MTUS1: variants seen among roughly 807,000 people sequenced by gnomAD.
The protein encoded by MTUS1 is microtubule-associated tumor suppressor 1.
In MTUS1, 109 loss-of-function variants were observed where a neutral mutation model predicts 120.8. The ratio of observed to expected loss-of-function variants is 0.90; its 90% CI spans 0.77 to 1.06. The LOEUF (loss-of-function observed/expected upper bound fraction) is 1.06. Ranked by LOEUF, MTUS1 falls within the 50% of genes least tolerant of loss-of-function variation. The pLI, the probability that MTUS1 is intolerant of heterozygous loss-of-function variation, is 0.00. For missense variants in MTUS1, 2,210 were observed against 1,486.3 expected (o/e 1.49, Z -8.01); for synonymous variants, 737 against 550.5 (o/e 1.34, Z -4.74).
intron 8 of MTUS1, among the ~76,000 whole-genome samples, chr8:17,665,326 G>A (rs1444834476): frequency 2.0e-5 from 3 of 152,108 alleles, no homozygotes; most frequent in Non-Finnish European, 4.4e-5. Flanking sequence ...TTTTACAAAA[G>A]GCCTGCACAA....
At chr8:17,772,616 T>G (rs1163298864) in intron 1 of MTUS1, among the ~76,000 whole-genome samples, 1 of 152,202 alleles carries the variant, frequency 6.6e-6, no homozygotes, top group East Asian at 1.9e-4. Flanking sequence ...AGTAGGTTGT[T>G]GCAAAGCAGA....
chr8:17,662,424 C>T (rs936117974), intron 8 of MTUS1, among the ~76,000 whole-genome samples: 6 of 143,916 alleles, frequency 4.2e-5, no homozygotes, highest in Non-Finnish European at 8.9e-5. Flanking sequence ...GGCACGATCT[C>T]GGCTCACTGC....
At chr8:17,711,436 C>T (rs947868085) in intron 6 of MTUS1, among the ~76,000 whole-genome samples, 5 of 149,700 alleles carry the variant, frequency 3.3e-5, no homozygotes, top group African/African-American at 7.4e-5. Flanking sequence ...CATGAACCAA[C>T]CTCTGCTAGC....
At position 17,644,628 on chromosome 8, in the gene MTUS1, G is replaced by T. The variant is rs1473123563; in HGVS notation, c.*1298C>A. On this transcript the variant is annotated 3_prime_UTR_variant, in exon 15 of 15. Transcript: ENST00000693296. ...CAAAGACAAAGGGACTCCTTAAAGG[G>T]TAACTGAAAAATGAGCGCTATCCTC... 6.6e-6 allele frequency: 1 copy of T among 152,192 alleles called. No homozygotes were observed. The highest frequency in any genetic ancestry group is 2.4e-5 in the African/African-American group (1 of 41,446). The allele number at this position is 152,192 out of a possible 1,614,324, so 9.4% of individuals were successfully genotyped here.
intron 6 of MTUS1, among the ~76,000 whole-genome samples, chr8:17,692,743 G>A (rs1817203454): frequency 6.6e-6 from 1 of 152,020 alleles, no homozygotes; most frequent in African/African-American, 2.4e-5. Flanking sequence ...CTTGGGTGAT[G>A]AAATCATCTG....
At chr8:17,700,431 T>C (rs1014356806) in intron 6 of MTUS1, among the ~76,000 whole-genome samples, 11 of 128,500 alleles carry the variant, frequency 8.6e-5, no homozygotes, top group South Asian at 5.3e-4. Context: ...GATTGTGCCA[T>C]TGCACTCCAG....
chr8:17,738,293 C>G (rs1241323639), intron 3 of MTUS1, among the ~76,000 whole-genome samples: 1 of 152,216 alleles, frequency 6.6e-6, no homozygotes, highest in African/African-American at 2.4e-5. Flanking sequence ...GCTGCATAAA[C>G]ACGCACTCTC....
chr8:17,658,100 C>T (rs1302660729), intron 8 of MTUS1, among the ~76,000 whole-genome samples: 1 of 150,022 alleles, frequency 6.7e-6, no homozygotes, highest in Non-Finnish European at 1.5e-5. Context: ...TGCAATGACA[C>T]AATCTTGGCT....
Position 17,753,824 on chromosome 8 carries a change from T to A in MTUS1, c.1984A>T (p.Ile662Phe), listed in dbSNP as rs1460990601. Residue 662 changes from isoleucine (I) to phenylalanine (F), a missense_variant, in exon 2 of 15, where the codon ATT (isoleucine) becomes TTT (phenylalanine). Physicochemically the swap from Ile to Phe is conservative, Grantham distance 21. Coordinates refer to ENST00000693296, the MANE Select transcript of MTUS1 (RefSeq NM_001363059.2). ...EMTYVPNIDRISPEKKGEKEN... is the reference protein window; with the variant it reads ...EMTYVPNIDRFSPEKKGEKEN... ...TTTTCACCCTTCTTTTCAGGGCTAA[T>A]CCTATCAATGTTGGGAACATAGGTC... 5 of 1,614,148 alleles carry A rather than the reference T, an allele frequency of 3.1e-6. No homozygotes were observed. Among genetic ancestry groups the A allele is most frequent in the Admixed American group, 1.7e-5 (1 of 60,028 alleles).
chr8:17,657,337 G>A (rs1585446245), intron 8 of MTUS1, among the ~76,000 whole-genome samples: 1 of 151,718 alleles, frequency 6.6e-6, no homozygotes, highest in African/African-American at 2.4e-5. Context: ...GGGAGGCCGA[G>A]GCGGGCGGAT....
At chr8:17,669,498 A>T (rs1740831911) in intron 8 of MTUS1, among the ~76,000 whole-genome samples, 1 of 152,102 alleles carries the variant, frequency 6.6e-6, no homozygotes, top group Non-Finnish European at 1.5e-5. Context: ...TGTGCTTAGT[A>T]TGTCTGGATT....
chr8:17,646,917 A>G (rs1805912139), intron 14 of MTUS1, 65 bp downstream of exon 14: 2 of 1,221,476 alleles, frequency 1.6e-6, no homozygotes, highest in Non-Finnish European at 2.4e-6. Flanking sequence ...GAGCGTGTCC[A>G]GAAAGTACAC....
chr8:17,711,034 C>G (rs1821194250), intron 6 of MTUS1, among the ~76,000 whole-genome samples: 1 of 152,162 alleles, frequency 6.6e-6, no homozygotes, highest in African/African-American at 2.4e-5. Flanking sequence ...GCAAACCATA[C>G]TGTAAACAAA....
chr8:17,667,728 A>G (rs1315291693), intron 8 of MTUS1, among the ~76,000 whole-genome samples: 1 of 152,230 alleles, frequency 6.6e-6, no homozygotes, highest in African/African-American at 2.4e-5. Flanking sequence ...GACTACCAGA[A>G]GATTGGTGGT....
chr8:17,754,986 C>T lies in MTUS1; in HGVS notation c.822G>A (p.Glu274=). ...CACSSGKVTS[E]YTDGSQQRLV... ...GTCTTTGTTGTGATCCATCTGTGTACTCACTGGTGACCTTTCCTGAAGAAC... is the reference window on the plus strand; with the variant it reads ...GTCTTTGTTGTGATCCATCTGTGTATTCACTGGTGACCTTTCCTGAAGAAC... Residue 274 remains glutamate (E), a synonymous_variant, in exon 2 of 15, where the codon GAG becomes GAA. Coordinates refer to ENST00000693296, the MANE Select transcript of MTUS1 (RefSeq NM_001363059.2). 3 of 1,614,158 alleles carry T rather than the reference C, an allele frequency of 1.9e-6. No homozygotes were observed. The highest frequency in any genetic ancestry group is 1.1e-5 in the South Asian group (1 of 91,078).
At chr8:17,713,104 T>C (rs1585885572) in intron 6 of MTUS1, 110 bp downstream of exon 6, 4 of 891,578 alleles carry the variant, frequency 4.5e-6, no homozygotes, top group East Asian at 2.5e-5. Context: ...ACACCTCAAA[T>C]TGGAAATTCT....
intron 1 of MTUS1, among the ~76,000 whole-genome samples, chr8:17,758,725 C>T (rs2048813785): frequency 6.6e-6 from 1 of 152,176 alleles, no homozygotes; most frequent in Non-Finnish European, 1.5e-5. Context: ...GCACTGCAAA[C>T]ACGCACTTAG....
chr8:17,646,861 CTT>C, intron 14 of MTUS1, 119 bp downstream of exon 14: 1 of 705,144 alleles, frequency 1.4e-6, no homozygotes, highest in Non-Finnish European at 2.5e-6. Flanking sequence ...AATCAATGCC[CTT>C]TTAACCATCT....
At chr8:17,722,217 G>C (rs2045899179) in intron 4 of MTUS1, 2 of 1,005,638 alleles carry the variant, frequency 2.0e-6, no homozygotes, top group Non-Finnish European at 2.4e-6. Context: ...ATCAGACACA[G>C]TACTGAAACG....
Sources: allele counts gnomAD v4.1 joint callset (sites outside exome capture counted in the v4.1 genomes callset), GRCh38; gene constraint gnomAD v4.1.1; transcripts MANE v1.5; gene names NCBI Gene and HGNC (gene_info 2026-07-23, HGNC 2026-07-21).